MBTPS2: variants seen among roughly 807,000 people sequenced by gnomAD.
MBTPS2 encodes the protein membrane bound transcription factor peptidase, site 2.
In MBTPS2, 2 loss-of-function variants were observed where a neutral mutation model predicts 35.4. The observed-to-expected ratio is 0.06, with a 90% CI of 0.02 to 0.18. The LOEUF is 0.18. MBTPS2 is among the 10% of genes least tolerant of loss of function. The pLI, the probability that MBTPS2 is intolerant of heterozygous loss-of-function variation, is 1.00. For synonymous variants in MBTPS2, 125 were observed against 140.4 expected, an observed-to-expected ratio of 0.89 and a Z score of 0.77; for missense variants, 244 against 386.5, an observed-to-expected ratio of 0.63 and a Z score of 3.09.
chrX:21,885,085 A>C lies in MBTPS2; in HGVS notation c.*2430A>C, dbSNP rs2092963263. On this transcript the variant is annotated 3_prime_UTR_variant, in exon 11 of 11. Coordinates refer to ENST00000379484, the MANE Select transcript of MBTPS2 (RefSeq NM_015884.4). ...ACATTTTTGACAGTTTTTTTTAATC[A>C]CCTACAATCTGTAAAGAATGTATAT... The C allele has an allele frequency of 6.7e-6, 5 of 747,898 alleles. No individual in the cohort carries two copies. The Admixed American group carries it at 4.4e-4, about 66-fold the overall frequency. The allele number at this position is 747,898 out of a possible 1,213,427, so 61.6% of individuals were successfully genotyped here.
chrX:21,861,736 A>C (rs1175117871), intron 5 of MBTPS2, among the ~76,000 whole-genome samples: 1 of 110,706 alleles, frequency 9.0e-6, no homozygotes, highest in African/African-American at 3.3e-5. Flanking sequence ...AAAAAGCAAA[A>C]TATAGTATAA....
chrX:21,868,393 G>A, intron 5 of MBTPS2, 74 bp from the exon 6 acceptor site: 1 of 642,215 alleles, frequency 1.6e-6, no homozygotes. Context: ...GAATGCCCAA[G>A]TGTTGTGAGG....
chrX:21,858,036 CTATG>C (rs893381216), intron 5 of MBTPS2: 1 of 125,998 alleles, frequency 7.9e-6, no homozygotes, highest in East Asian at 2.7e-4. Context: ...CTTAATAAGT[CTATG>C]TATGGTTTTT....
intron 2 of MBTPS2, among the ~76,000 whole-genome samples, chrX:21,843,702 A>G (rs2092905269): frequency 8.9e-6 from 1 of 112,285 alleles, no homozygotes; most frequent in African/African-American, 3.2e-5. Context: ...CAGAAAATGC[A>G]ATAGCAGATC....
At chrX:21,879,519 A>G (rs2092956686) in intron 9 of MBTPS2, among the ~76,000 whole-genome samples, 2 of 111,267 alleles carry the variant, frequency 1.8e-5, no homozygotes, top group Admixed American at 9.6e-5. Flanking sequence ...AGCTCAAGCA[A>G]TTCTCCCTCC....
chrX:21,856,734 C>A, intron 5 of MBTPS2: 1 of 1,211,856 alleles, frequency 8.3e-7, no homozygotes, highest in Non-Finnish European at 1.1e-6. Context: ...GTTGCAGACA[C>A]AAGAGGAAGT....
intron 5 of MBTPS2, chrX:21,856,331 G>T (rs1277162389): frequency 2.0e-6 from 1 of 491,767 alleles, no homozygotes; most frequent in Non-Finnish European, 3.4e-6. Flanking sequence ...GCCTTTCTCT[G>T]CAGCTCGCGC....
chrX:21,840,295 A>G (rs2092901338), intron 1 of MBTPS2, among the ~76,000 whole-genome samples: 1 of 112,634 alleles, frequency 8.9e-6, no homozygotes, highest in South Asian at 3.6e-4. Context: ...CAAAATGCAG[A>G]TTCCGATTCA....
Position 21,883,215 on chromosome X carries a change from C to T in MBTPS2, c.*560C>T. 1 of 756,623 alleles carries T rather than the reference C, an allele frequency of 1.3e-6. No homozygotes were observed. The highest frequency in any genetic ancestry group is 6.6e-5 in the South Asian group (1 of 15,062). 62.4% of individuals were successfully genotyped at this position (756,623 alleles called of 1,213,427 possible). Reference sequence around the variant, plus strand: ...AAAATTCTATAGAAGAATCTGCTGACGTGAAAGGGAAAAATCTTTGTCAAA... The same window carrying T: ...AAAATTCTATAGAAGAATCTGCTGATGTGAAAGGGAAAAATCTTTGTCAAA... On this transcript the variant is annotated 3_prime_UTR_variant, in exon 11 of 11. Coordinates refer to ENST00000379484, the MANE Select transcript of MBTPS2 (RefSeq NM_015884.4).
intron 5 of MBTPS2, chrX:21,856,909 G>T (rs1407080696): frequency 8.3e-7 from 1 of 1,211,936 alleles, no homozygotes; most frequent in South Asian, 1.8e-5. Context: ...AAAAAGCCCA[G>T]CAAAAAGCCC....
chrX:21,844,071 C>T (rs2092905786), intron 2 of MBTPS2, among the ~76,000 whole-genome samples: 1 of 107,950 alleles, frequency 9.3e-6, no homozygotes, highest in African/African-American at 3.4e-5. Flanking sequence ...GATCACACCA[C>T]TGCACTGCAG....
intron 4 of MBTPS2, among the ~76,000 whole-genome samples, chrX:21,852,278 C>T (rs1461700993): frequency 9.0e-6 from 1 of 111,684 alleles, no homozygotes; most frequent in Non-Finnish European, 1.9e-5. Flanking sequence ...ATAATTACGG[C>T]CATAATTAGC....
At chrX:21,868,952 C>T (rs775456446) in intron 6 of MBTPS2, among the ~76,000 whole-genome samples, 46 of 112,219 alleles carry the variant, frequency 4.1e-4, no homozygotes, top group Non-Finnish European at 4.1e-4. Flanking sequence ...GCTGTCCAGC[C>T]GTAACATTTC....
chrX:21,880,311 C>T (rs972601178), intron 9 of MBTPS2, among the ~76,000 whole-genome samples: 1 of 110,841 alleles, frequency 9.0e-6, no homozygotes, highest in Admixed American at 9.6e-5. Flanking sequence ...GAGATACAAC[C>T]GAGGTCATTT....
In MBTPS2 at chrX:21,839,660, C is replaced by T. The variant is rs1180775661; in HGVS notation, c.-75C>T. ...GAGCGGATGCTGGGGCTGTAAGGCG[C>T]GCGCGGTCAGCTGTTGGCGGTGCAG... On this transcript the variant is annotated 5_prime_UTR_variant, in exon 1 of 11. Coordinates refer to ENST00000379484, the MANE Select transcript of MBTPS2 (RefSeq NM_015884.4). 1.9e-6 allele frequency: 2 copies of T among 1,054,009 alleles called. No homozygotes were observed. The highest frequency in any genetic ancestry group is 1.3e-6 in the Non-Finnish European group (1 of 770,286). The allele number at this position is 1,054,009 out of a possible 1,213,427, so 86.9% of individuals were successfully genotyped here.
chrX:21,854,638 TAACA>T (rs1371088312), intron 5 of MBTPS2, among the ~76,000 whole-genome samples: 1 of 111,817 alleles, frequency 8.9e-6, no homozygotes, highest in Non-Finnish European at 1.9e-5. Context: ...CTGTATCAAG[TAACA>T]AACCATCAAA....
At chrX:21,857,660 T>C (rs1248535439) in intron 5 of MBTPS2, 1 of 1,076,959 alleles carries the variant, frequency 9.3e-7, no homozygotes, top group African/African-American at 1.9e-5. Context: ...CGGTAGGGAA[T>C]AAATATGCCT....
intron 5 of MBTPS2, among the ~76,000 whole-genome samples, chrX:21,861,245 A>C (rs775278649): frequency 3.2e-4 from 36 of 112,010 alleles, no homozygotes; most frequent in Non-Finnish European, 6.4e-4. Context: ...ATGAGAGTAT[A>C]AATTAATTCA....
At chrX:21,846,132 T>C (rs2092908413) in intron 3 of MBTPS2, among the ~76,000 whole-genome samples, 1 of 111,468 alleles carries the variant, frequency 9.0e-6, no homozygotes, top group South Asian at 3.8e-4. Flanking sequence ...AAGTCATTTG[T>C]AGAGAACAAT....
Sources: gnomAD v4.1 joint callset for allele counts (sites outside exome capture counted in the v4.1 genomes callset) on GRCh38, gnomAD v4.1.1 for gene constraint, MANE v1.5 for transcripts, NCBI Gene and HGNC (gene_info 2026-07-23, HGNC 2026-07-21) for gene names.